Variants in CDH23 observed in about 807,000 individuals in gnomAD.
CDH23 encodes the protein cadherin related 23.
Under a neutral mutation model 317.1 loss-of-function variants are expected in CDH23, and 189 were observed. The ratio of observed to expected loss-of-function variants is 0.60; its 90% CI spans 0.53 to 0.67. CDH23 has a LOEUF of 0.67. Ranked by LOEUF, CDH23 falls within the 30% of genes least tolerant of loss-of-function variation. The probability of loss-of-function intolerance (pLI) is 0.00; values close to 1 mark genes in which losing one functional copy is unlikely to be tolerated. For missense variants in CDH23, 4,401 were observed against 4,592.4 expected (o/e 0.96, Z 1.20); for synonymous variants, 1,839 against 1,876.8 (o/e 0.98, Z 0.52).
intron 7 of CDH23, among the ~76,000 whole-genome samples, chr10:71,568,392 C>T (rs1054304754): frequency 2.0e-5 from 3 of 152,232 alleles, no homozygotes; most frequent in African/African-American, 7.2e-5. Context: ...GATGCTTGCC[C>T]GCTGTGGGAT....
At chr10:71,521,144 AC>A (rs1336701467) in intron 6 of CDH23, among the ~76,000 whole-genome samples, 1 of 151,562 alleles carries the variant, frequency 6.6e-6, no homozygotes, top group Non-Finnish European at 1.5e-5. Context: ...GAGAGATGTC[AC>A]CCGGGGCATA....
chr10:71,530,543 G>A (rs142826402), intron 6 of CDH23, among the ~76,000 whole-genome samples: 80 of 152,348 alleles, frequency 5.3e-4, no homozygotes, highest in African/African-American at 1.8e-3. Context: ...ATGGCATCGG[G>A]GGGCAGGTGT....
At chr10:71,784,057 T>C (rs919062838) in intron 41 of CDH23, among the ~76,000 whole-genome samples, 6 of 152,178 alleles carry the variant, frequency 3.9e-5, no homozygotes, top group Non-Finnish European at 8.8e-5. Context: ...AGGGCATGAG[T>C]GGCCCGTGTC....
chr10:71,643,541 A>C (rs1862669147), intron 11 of CDH23, among the ~76,000 whole-genome samples: 2 of 143,114 alleles, frequency 1.4e-5, no homozygotes, highest in African/African-American at 2.5e-5. Flanking sequence ...GACAGAGATC[A>C]GGGAGACAGG....
At chr10:71,596,070 G>A (rs918928098) in intron 9 of CDH23, among the ~76,000 whole-genome samples, 1 of 152,048 alleles carries the variant, frequency 6.6e-6, no homozygotes, top group Non-Finnish European at 1.5e-5. Flanking sequence ...TGGCACCAAG[G>A]GTGGCGCCTT....
At chr10:71,402,408 A>C (rs1847821017) in intron 1 of CDH23, among the ~76,000 whole-genome samples, 1 of 152,202 alleles carries the variant, frequency 6.6e-6, no homozygotes, top group South Asian at 2.1e-4. Context: ...CTTGATATTG[A>C]GCACCAGTTC....
intron 38 of CDH23, among the ~76,000 whole-genome samples, chr10:71,769,229 T>TTTTTCTCTCAC (rs1564785024): frequency 6.6e-6 from 1 of 152,228 alleles, no homozygotes; most frequent in Non-Finnish European, 1.5e-5. Context: ...CTCTAAAACA[T>TTTTTCTCTCAC]TTGCTAATCT....
In CDH23 at chr10:71,577,918, C is replaced by T. The variant is rs765002368; in HGVS notation, c.758C>T (p.Thr253Met). 2.1e-5 allele frequency: 33 copies of T among 1,596,034 alleles called. No homozygotes were observed. Among genetic ancestry groups the T allele is most frequent in the East Asian group, 9.1e-5 (4 of 44,078 alleles). Residue 253 changes from threonine to methionine, a missense_variant, in exon 9 of 70, where the codon ACG becomes ATG. Thr to Met is a moderately conservative substitution (Grantham distance 81). Around this residue, in one of 3 missense-constraint regions of CDH23, gnomAD observed 3,068 missense variants for 3,203.3 expected, o/e 0.96. Transcript: ENST00000224721. ...TCCCTCCTCTCTTCTGCCCAGGGCA[C>T]GACGGTGCGCATCATCACCGCCATA... ...TNIYEHSPPGTTVRIITAIDQ... is the reference protein window; with the variant it reads ...TNIYEHSPPGMTVRIITAIDQ...
chr10:71,767,915 C>T (rs1718792849), intron 38 of CDH23, among the ~76,000 whole-genome samples: 1 of 152,176 alleles, frequency 6.6e-6, no homozygotes, highest in African/African-American at 2.4e-5. Flanking sequence ...TAGCATGCCT[C>T]CCCAGGGAGG....
chr10:71,423,128 T>G (rs1035144714), intron 1 of CDH23, among the ~76,000 whole-genome samples: 7 of 152,224 alleles, frequency 4.6e-5, no homozygotes, highest in Non-Finnish European at 1.0e-4. Context: ...AGGCATGCCC[T>G]GATCCTAGGG....
chr10:71,499,166 G>A (rs2095989), intron 3 of CDH23, among the ~76,000 whole-genome samples: 1 of 152,008 alleles, frequency 6.6e-6, no homozygotes, highest in African/African-American at 2.4e-5. Context: ...GACAAATGTC[G>A]CATGTTCTCA....
chr10:71,513,596 T>A (rs1182968067), intron 6 of CDH23, among the ~76,000 whole-genome samples: 4 of 152,126 alleles, frequency 2.6e-5, no homozygotes, highest in African/African-American at 9.7e-5. Context: ...ATCAGAGAAA[T>A]CTCAGCAGGC....
intron 28 of CDH23, among the ~76,000 whole-genome samples, chr10:71,721,041 A>T (rs962258568): frequency 6.6e-6 from 1 of 152,208 alleles, no homozygotes; most frequent in South Asian, 2.1e-4. Flanking sequence ...CCTCTCCTGA[A>T]ACCAACTGAA....
chr10:71,579,296 A>T lies in CDH23; in HGVS notation c.832+1304A>T, dbSNP rs185536472. ...TGACATGACTATTGTTGCACCTCTAAGCCCAGGGAACCCCAGGACCCAGAG... is the reference window on the plus strand; with the variant it reads ...TGACATGACTATTGTTGCACCTCTATGCCCAGGGAACCCCAGGACCCAGAG... On this transcript the variant is annotated intron_variant, in intron 9 of 69. Transcript: ENST00000224721. Among the ~76,000 whole-genome samples, 17 of 152,156 alleles carry T rather than the reference A, an allele frequency of 1.1e-4. No individual in the cohort carries two copies. In the East Asian group the frequency reaches 2.7e-3, roughly 24 times the overall value.
chr10:71,582,290 C>T (rs1209325965), intron 9 of CDH23, among the ~76,000 whole-genome samples: 7 of 152,128 alleles, frequency 4.6e-5, no homozygotes, highest in Non-Finnish European at 5.9e-5. Flanking sequence ...ACTTGAAGTG[C>T]GGCTAGTCTG....
chr10:71,758,346 G>A (rs1840203715), intron 38 of CDH23, among the ~76,000 whole-genome samples: 1 of 152,152 alleles, frequency 6.6e-6, no homozygotes, highest in South Asian at 2.1e-4. Context: ...GCCTAGCAGG[G>A]GCTGGTCCCC....
rs564161575 is a variant in CDH23, at chr10:71,677,547, C to A, written c.1606C>A (p.Arg536=). Residue 536 remains arginine, a synonymous_variant, in exon 16 of 70, where the codon CGG becomes AGG. Transcript: ENST00000224721. ...IQRFTLTIIA[R]DGGGEETTGR... ...GCGCTTCACCCTGACGATCATTGCC[C>A]GGGACGGGGGCGGCGAGGAGACCAC... 6.2e-7 allele frequency: 1 copy of A among 1,611,760 alleles called. No individual in the cohort carries two copies. Among genetic ancestry groups the A allele is most frequent in the Non-Finnish European group, 8.5e-7 (1 of 1,179,282 alleles).
intron 19 of CDH23, among the ~76,000 whole-genome samples, chr10:71,689,497 C>T (rs1313569399): frequency 6.6e-6 from 1 of 152,146 alleles, no homozygotes; most frequent in Non-Finnish European, 1.5e-5. Flanking sequence ...GGCTCATGTG[C>T]CTGTCCTCCT....
Position 71,737,734 on chromosome 10 carries a change from TTCCAGCCGCAGTGGCCTGTGGCCG to T in CDH23, c.4210-760_4210-737del, listed in dbSNP as rs377075213. The T allele has an allele frequency of 7.0e-4, 328 of 470,960 alleles. 2 individuals carry two copies. Among genetic ancestry groups the T allele is most frequent in the African/African-American group, 5.9e-3 (296 of 50,192 alleles). 29.2% of individuals were successfully genotyped at this position (470,960 alleles called of 1,614,324 possible). On this transcript the variant is annotated intron_variant, in intron 34 of 69. Coordinates refer to ENST00000224721, the MANE Select transcript of CDH23 (RefSeq NM_022124.6). ...TCAGTGAACCCCTGGGTACCTGTGA[TTCCAGCCGCAGTGGCCTGTGGCCG>T]TCCGTGGACTGGAGGCCTCACCCGC... is the stretch of plus-strand genomic sequence containing the variant.
Sources: gnomAD v4.1 joint callset for allele counts (sites outside exome capture counted in the v4.1 genomes callset) on GRCh38, gnomAD v4.1.1 for gene constraint, gnomAD v4.1.1 regional missense constraint, MANE v1.5 for transcripts, NCBI Gene and HGNC (gene_info 2026-07-23, HGNC 2026-07-21) for gene names.